KCNQ3: variants seen among roughly 807,000 people sequenced by gnomAD.
The protein encoded by KCNQ3 is potassium voltage-gated channel subfamily KQT member 3.
Under a neutral mutation model 92.5 loss-of-function variants are expected in KCNQ3, and 30 were observed. The ratio of observed to expected loss-of-function variants is 0.32; its 90% CI spans 0.24 to 0.44. The LOEUF (loss-of-function observed/expected upper bound fraction) is 0.44. Among genes scored for constraint, KCNQ3 ranks in the 20% least tolerant of loss-of-function variants. The pLI, the probability that KCNQ3 is intolerant of heterozygous loss-of-function variation, is 1.00. For missense variants in KCNQ3, 913 were observed against 1,140.3 expected, an observed-to-expected ratio of 0.80 and a Z score of 2.87; for synonymous variants, 450 against 468.8, an observed-to-expected ratio of 0.96 and a Z score of 0.52.
chr8:132,189,888 C>CAAAAAAAAAAAA (rs776683880), intron 1 of KCNQ3, among the ~76,000 whole-genome samples: 1 of 64,082 alleles, frequency 1.6e-5, no homozygotes, highest in Non-Finnish European at 2.7e-5. Flanking sequence ...TAAAAATGAC[C>CAAAAAAAAAAAA]AAAAAAAAAA....
At chr8:132,134,247 A>G in intron 13 of KCNQ3, 43 bp downstream of exon 13, 1 of 1,487,210 alleles carries the variant, frequency 6.7e-7, no homozygotes, top group South Asian at 1.1e-5. Flanking sequence ...TGCTTTACAA[A>G]CTTTGCACCC....
intron 1 of KCNQ3, among the ~76,000 whole-genome samples, chr8:132,274,262 A>T (rs1337384628): frequency 1.3e-5 from 2 of 152,192 alleles, no homozygotes; most frequent in African/African-American, 4.8e-5. Flanking sequence ...TCTTACATGG[A>T]TGGCAGCAGG....
At chr8:132,160,689 C>T (rs1346673531) in intron 9 of KCNQ3, among the ~76,000 whole-genome samples, 2 of 149,734 alleles carry the variant, frequency 1.3e-5, no homozygotes, top group Non-Finnish European at 2.9e-5. Flanking sequence ...CTTATGAGGG[C>T]TGTCTTGACT....
intron 1 of KCNQ3, among the ~76,000 whole-genome samples, chr8:132,249,855 C>A (rs940588061): frequency 2.0e-5 from 3 of 152,204 alleles, no homozygotes; most frequent in Non-Finnish European, 4.4e-5. Flanking sequence ...GGTGAGCTAG[C>A]ACTGCTGGGG....
At chr8:132,322,573 T>C (rs917262529) in intron 1 of KCNQ3, among the ~76,000 whole-genome samples, 1 of 152,214 alleles carries the variant, frequency 6.6e-6, no homozygotes, top group African/African-American at 2.4e-5. Flanking sequence ...TCCTACCTTT[T>C]ATTTAAATCT....
At chr8:132,212,859 G>A (rs1331524552) in intron 1 of KCNQ3, among the ~76,000 whole-genome samples, 1 of 152,132 alleles carries the variant, frequency 6.6e-6, no homozygotes, top group Non-Finnish European at 1.5e-5. Context: ...CCAGGCCTGA[G>A]CCATCCCTGG....
intron 1 of KCNQ3, among the ~76,000 whole-genome samples, chr8:132,190,548 A>T (rs62519619): frequency 0.12 from 18,165 of 152,180 alleles, 2,050 homozygotes; most frequent in African/African-American, 0.3. Context: ...GACTGCAGCC[A>T]CTGGCTGATT....
intron 1 of KCNQ3, among the ~76,000 whole-genome samples, chr8:132,285,946 T>C (rs560434591): frequency 3.3e-5 from 5 of 152,292 alleles, no homozygotes; most frequent in African/African-American, 1.2e-4. Flanking sequence ...TGGCTCTTCC[T>C]ATCACTCTGG....
intron 1 of KCNQ3, among the ~76,000 whole-genome samples, chr8:132,261,237 T>C (rs1445690030): frequency 6.6e-6 from 1 of 152,210 alleles, no homozygotes; most frequent in East Asian, 1.9e-4. Context: ...TGTATTGGTT[T>C]CCTCTATGAA....
rs1563815483 is a variant in KCNQ3 at position 132,230,469 on chromosome 8, GAGA to G, written c.387-44291_387-44289del. Among the ~76,000 whole-genome samples the G allele has an allele frequency of 3.7e-3, 555 of 150,678 alleles. 3 individuals carry two copies. The highest frequency in any genetic ancestry group is 0.013 in the African/African-American group (522 of 41,282). ...AGAGACAGAGAGAGAGAGAGAGAGA[GAGA>G]GAGAGAGAGAAAATCCTTTAACCTC... On this transcript the variant is annotated intron_variant, in intron 1 of 14. Transcript: ENST00000388996.
At chr8:132,284,515 T>C (rs1816623803) in intron 1 of KCNQ3, among the ~76,000 whole-genome samples, 1 of 152,004 alleles carries the variant, frequency 6.6e-6, no homozygotes, top group Non-Finnish European at 1.5e-5. Flanking sequence ...TCTTTGGATA[T>C]GAGTGTCCCA....
intron 9 of KCNQ3, among the ~76,000 whole-genome samples, chr8:132,157,102 C>T (rs181432174): frequency 6.6e-6 from 1 of 152,254 alleles, no homozygotes; most frequent in Non-Finnish European, 1.5e-5. Flanking sequence ...TTCTGTTGTT[C>T]TAAGTCAACC....
Position 132,122,481 on chromosome 8 carries a change from T to C in KCNQ3, c.*6781A>G, listed in dbSNP as rs1055057853. ...TACATTCCTGAGCACTGAGCTGGGC[T>C]TTTGACTACCTCATTGTAAGCCATT... On this transcript the variant is annotated 3_prime_UTR_variant, in exon 15 of 15. Transcript: ENST00000388996. The C allele has an allele frequency of 6.6e-6, 1 of 152,240 alleles. No homozygotes were observed. The highest frequency in any genetic ancestry group is 1.5e-5 in the Non-Finnish European group (1 of 68,044). 9.4% of individuals were successfully genotyped at this position (152,240 alleles called of 1,614,324 possible). A position where few individuals can be genotyped will look rare whatever the true frequency, so the allele number is the denominator to read the frequency against.
intron 1 of KCNQ3, among the ~76,000 whole-genome samples, chr8:132,355,591 G>T (rs527544135): frequency 6.6e-6 from 1 of 152,082 alleles, no homozygotes; most frequent in Non-Finnish European, 1.5e-5. Context: ...GGTAGCAATC[G>T]TGTTTCCATG....
intron 1 of KCNQ3, among the ~76,000 whole-genome samples, chr8:132,227,594 G>A (rs554888557): frequency 6.6e-6 from 1 of 152,296 alleles, no homozygotes; most frequent in South Asian, 2.1e-4. Context: ...ATTTTGTTAT[G>A]ACAGCCCTAG....
At position 132,122,960 on chromosome 8, in the gene KCNQ3, C is replaced by T. The variant is rs1287647602; in HGVS notation, c.*6302G>A. 1 of 152,186 alleles carries T rather than the reference C, an allele frequency of 6.6e-6. No homozygotes were observed. Among genetic ancestry groups the T allele is most frequent in the Non-Finnish European group, 1.5e-5 (1 of 68,050 alleles). The allele number at this position is 152,186 out of a possible 1,614,324, so 9.4% of individuals were successfully genotyped here. ...GCTTTTGGTGAAGGCCCTAGAGTAT[C>T]TGCTTATGTCCTGACAACATGGGGA... On this transcript the variant is annotated 3_prime_UTR_variant, in exon 15 of 15. Coordinates refer to ENST00000388996, the MANE Select transcript of KCNQ3 (RefSeq NM_004519.4).
In KCNQ3 at chr8:132,123,114, C is replaced by T. The variant is rs1322817052; in HGVS notation, c.*6148G>A. ...AGATCCCAAAAGAAATCATGCCTGA[C>T]TTCCTAAAATCAAAACCATAGGGAT... On this transcript the variant is annotated 3_prime_UTR_variant, in exon 15 of 15. Coordinates refer to ENST00000388996, the MANE Select transcript of KCNQ3 (RefSeq NM_004519.4). The T allele has an allele frequency of 2.6e-5, 4 of 152,190 alleles. No homozygotes were observed. The highest frequency in any genetic ancestry group is 5.9e-5 in the Non-Finnish European group (4 of 68,042). 9.4% of individuals were successfully genotyped at this position (152,190 alleles called of 1,614,324 possible).
intron 1 of KCNQ3, among the ~76,000 whole-genome samples, chr8:132,227,492 C>T (rs1814470018): frequency 6.6e-6 from 1 of 152,134 alleles, no homozygotes; most frequent in African/African-American, 2.4e-5. Context: ...CTCTGGGAAC[C>T]CAACACCTTG....
At chr8:132,449,160 TAGCACA>T (rs1821764254) in intron 1 of KCNQ3, among the ~76,000 whole-genome samples, 1 of 152,184 alleles carries the variant, frequency 6.6e-6, no homozygotes, top group Non-Finnish European at 1.5e-5. Context: ...GTGTACCTCC[TAGCACA>T]AGGCAGGAGC....
Sources: gnomAD v4.1 joint callset for allele counts (sites outside exome capture counted in the v4.1 genomes callset) on GRCh38, gnomAD v4.1.1 for gene constraint, MANE v1.5 for transcripts, NCBI Gene and HGNC (gene_info 2026-07-23, HGNC 2026-07-21) for gene names.